The following RASA2 variants were observed in gnomAD, a reference collection of about 807,000 sequenced individuals.
RASA2 encodes the protein ras GTPase-activating protein 2.
Under a neutral mutation model 118.2 loss-of-function variants are expected in RASA2, and 155 were observed. The observed-to-expected ratio is 1.31, with a 90% confidence interval of 1.15 to 1.50. The LOEUF (loss-of-function observed/expected upper bound fraction) is 1.50, where lower values mean the gene tolerates loss of function less well. RASA2 is among the 40% of genes most tolerant of loss of function. The pLI, the probability that RASA2 is intolerant of heterozygous loss-of-function variation, is 0.00. For synonymous variants in RASA2, 353 were observed against 349.1 expected (o/e 1.01, Z -0.12); for missense variants, 1,016 against 1,009.6 (o/e 1.01, Z -0.09).
intron 5 of RASA2, among the ~76,000 whole-genome samples, chr3:141,544,548 T>C (rs2082456134): frequency 6.6e-6 from 1 of 152,222 alleles, no homozygotes; most frequent in South Asian, 2.1e-4. Flanking sequence ...TTCTTCTGTT[T>C]AGCTTATCTG....
In RASA2 at chr3:141,521,091, G is replaced by A. The variant is rs79925651; in HGVS notation, c.355+4660G>A. On this transcript the variant is annotated intron_variant, in intron 3 of 23. Coordinates refer to ENST00000286364, the MANE Select transcript of RASA2 (RefSeq NM_006506.5). The stretch of plus-strand genomic sequence containing the variant: ...TTTGGTTTCAAACAAGTTAAACTTA[G>A]TATTACCGGGGTACATCTTAGTGGA... Among the ~76,000 whole-genome samples the A allele has an allele frequency of 4.2e-3, 637 of 152,318 alleles. 5 individuals carry two copies. The highest frequency in any genetic ancestry group is 0.015 in the African/African-American group (611 of 41,568).
At position 141,615,152 on chromosome 3, in the gene RASA2, A is replaced by C. The variant is rs1000278050; in HGVS notation, c.*2839A>C. 3 of 152,184 alleles carry C rather than the reference A, an allele frequency of 2.0e-5. No individual in the cohort carries two copies. Among genetic ancestry groups the C allele is most frequent in the Non-Finnish European group, 2.9e-5 (2 of 68,028 alleles). 9.4% of individuals were successfully genotyped at this position (152,184 alleles called of 1,614,324 possible). A position where few individuals can be genotyped will look rare whatever the true frequency, so the allele number is the denominator to read the frequency against. On this transcript the variant is annotated 3_prime_UTR_variant, in exon 24 of 24. Transcript: ENST00000286364. ...TTTGGAAATTAATATGTTGCTAGTA[A>C]ATATTGGTTTTTACAGTACCCAGTT... is the stretch of plus-strand genomic sequence containing the variant.
intron 4 of RASA2, among the ~76,000 whole-genome samples, chr3:141,537,935 A>C (rs2082351113): frequency 6.6e-6 from 1 of 152,218 alleles, no homozygotes; most frequent in Admixed American, 6.5e-5. Context: ...AGATAATTTG[A>C]GGGCCTGAAT....
At chr3:141,544,816 A>G (rs2082459884) in intron 5 of RASA2, among the ~76,000 whole-genome samples, 1 of 152,252 alleles carries the variant, frequency 6.6e-6, no homozygotes, top group Non-Finnish European at 1.5e-5. Flanking sequence ...TAAAAAAGAA[A>G]GAGATCATAT....
intron 3 of RASA2, among the ~76,000 whole-genome samples, chr3:141,529,505 T>A (rs1348274682): frequency 6.6e-6 from 1 of 152,116 alleles, no homozygotes; most frequent in Non-Finnish European, 1.5e-5. Context: ...CCCAGACAAA[T>A]GTCTGCCAAG....
Position 141,540,628 on chromosome 3 carries a change from C to A in RASA2, c.527+19C>A. The stretch of plus-strand genomic sequence containing the variant: ...TTGTACAGTAAGCATTTTTTTTAAC[C>A]AAAATCAACTAGAAATAATTCTCCA... On this transcript the variant is annotated intron_variant, in intron 5 of 23. Coordinates refer to ENST00000286364, the MANE Select transcript of RASA2 (RefSeq NM_006506.5). 2 of 1,567,016 alleles carry A rather than the reference C, an allele frequency of 1.3e-6. No homozygotes were observed. The highest frequency in any genetic ancestry group is 2.3e-5 in the South Asian group (2 of 88,056).
chr3:141,499,919 G>A (rs940071384), intron 1 of RASA2, among the ~76,000 whole-genome samples: 3 of 152,074 alleles, frequency 2.0e-5, no homozygotes, highest in African/African-American at 7.2e-5. Flanking sequence ...ATTACCAATC[G>A]AGTGGGATTA....
Position 141,555,842 on chromosome 3 carries a change from A to G in RASA2, c.614A>G (p.Asn205Ser). Residue 205 changes from asparagine to serine, a missense_variant and splice_region_variant, in exon 7 of 24, where the codon AAT becomes AGT. Asn to Ser is a conservative substitution (Grantham distance 46). Transcript: ENST00000286364. ...AAAACTCTACCACATTGGAACAGGA[A>G]TGACCAAAAGAAGACAAAAGTAAAG... ...ATVSLVGPSRNDQKKTKVKKK... is the reference protein window; with the variant it reads ...ATVSLVGPSRSDQKKTKVKKK... 1.9e-6 allele frequency: 3 copies of G among 1,611,586 alleles called. No individual in the cohort carries two copies. The highest frequency in any genetic ancestry group is 2.5e-6 in the Non-Finnish European group (3 of 1,178,368).
At chr3:141,520,011 C>CTTTTTTTTT (rs559634060) in intron 3 of RASA2, among the ~76,000 whole-genome samples, 4 of 109,790 alleles carry the variant, frequency 3.6e-5, no homozygotes, top group Non-Finnish European at 5.4e-5. Context: ...TTCTTTTTCT[C>CTTTTTTTTT]TTTTTTTTTT....
At chr3:141,596,580 T>C (rs546017503) in intron 19 of RASA2, among the ~76,000 whole-genome samples, 70 of 152,332 alleles carry the variant, frequency 4.6e-4, no homozygotes, top group Non-Finnish European at 8.4e-4. Flanking sequence ...TGCAAAACGC[T>C]TATCTAATAT....
intron 4 of RASA2, among the ~76,000 whole-genome samples, chr3:141,536,490 A>G (rs2082327434): frequency 6.6e-6 from 1 of 152,170 alleles, no homozygotes; most frequent in African/African-American, 2.4e-5. Context: ...ATGCCCCTTA[A>G]TATAAGATAA....
At chr3:141,607,910 T>A in intron 20 of RASA2, 150 bp downstream of exon 20, 1 of 1,017,958 alleles carries the variant, frequency 9.8e-7, no homozygotes, top group South Asian at 2.8e-5. Context: ...TTTATTGGAT[T>A]GTTTACTATT....
In RASA2 at chr3:141,581,556, C is replaced by T. The variant is rs564083047; in HGVS notation, c.1752+379C>T. On this transcript the variant is annotated intron_variant, in intron 17 of 23. Coordinates refer to ENST00000286364, the MANE Select transcript of RASA2 (RefSeq NM_006506.5). ...CTACCCCTTAGACGCAAGAAGTATG[C>T]CCCTGTTTTGACAGCCAAACATGCC... Among the ~76,000 whole-genome samples the T allele has an allele frequency of 2.0e-5, 3 of 152,212 alleles. No homozygotes were observed. In the East Asian group the frequency reaches 5.8e-4, roughly 29 times the overall value.
At chr3:141,569,227 G>A (rs1356021799) in intron 9 of RASA2, among the ~76,000 whole-genome samples, 1 of 152,056 alleles carries the variant, frequency 6.6e-6, no homozygotes, top group African/African-American at 2.4e-5. Flanking sequence ...TGGAATAAAG[G>A]GGATGAAGTA....
At chr3:141,521,231 A>T (rs890664225) in intron 3 of RASA2, among the ~76,000 whole-genome samples, 1 of 152,194 alleles carries the variant, frequency 6.6e-6, no homozygotes, top group Non-Finnish European at 1.5e-5. Flanking sequence ...GGAATGAACG[A>T]AATTACCTGG....
intron 17 of RASA2, among the ~76,000 whole-genome samples, chr3:141,583,104 C>T (rs1404798667): frequency 2.0e-5 from 3 of 152,124 alleles, no homozygotes; most frequent in African/African-American, 7.2e-5. Flanking sequence ...TCTGTATTTA[C>T]CCCATAGTTC....
intron 19 of RASA2, among the ~76,000 whole-genome samples, chr3:141,596,335 T>C (rs1353020295): frequency 1.3e-5 from 2 of 152,212 alleles, no homozygotes; most frequent in Non-Finnish European, 2.9e-5. Flanking sequence ...GCAACAAATA[T>C]ATCAAAGTTT....
At chr3:141,522,781 A>G (rs1337893205) in intron 3 of RASA2, among the ~76,000 whole-genome samples, 1 of 152,304 alleles carries the variant, frequency 6.6e-6, no homozygotes, top group African/African-American at 2.4e-5. Context: ...CCATTCTTGC[A>G]GGAAACTCTG....
At chr3:141,510,953 A>G (rs188746106) in intron 1 of RASA2, among the ~76,000 whole-genome samples, 70 of 152,270 alleles carry the variant, frequency 4.6e-4, no homozygotes, top group African/African-American at 1.7e-3. Context: ...TTGATGGAGA[A>G]TGGATTGTAG....
Sources: allele counts gnomAD v4.1 joint callset (sites outside exome capture counted in the v4.1 genomes callset), GRCh38; gene constraint gnomAD v4.1.1; transcripts MANE v1.5; gene names NCBI Gene and HGNC (gene_info 2026-07-23, HGNC 2026-07-21).